EPHA3: variants seen among roughly 807,000 people sequenced by gnomAD.
EPHA3 encodes EPH receptor A3.
EPHA3 carries 42 observed loss-of-function variants against 107.1 expected under a neutral mutation model. That is an observed-to-expected ratio of 0.39 (90% CI 0.31 to 0.51). The LOEUF (loss-of-function observed/expected upper bound fraction) is 0.51. Among genes scored for constraint, EPHA3 ranks in the 20% least tolerant of loss-of-function variants. The pLI, the probability that EPHA3 is intolerant of heterozygous loss-of-function variation, is 0.78. For synonymous variants in EPHA3, 461 were observed against 424.8 expected, an observed-to-expected ratio of 1.09 and a Z score of -1.05; for missense variants, 1,183 against 1,211.2, an observed-to-expected ratio of 0.98 and a Z score of 0.35.
intron 3 of EPHA3, among the ~76,000 whole-genome samples, chr3:89,215,637 G>T (rs1704205671): frequency 6.6e-6 from 1 of 151,814 alleles, no homozygotes; most frequent in African/African-American, 2.4e-5. Flanking sequence ...TAAGTTAAAT[G>T]ATCAGCAATG....
chr3:89,132,585 C>A (rs1395623875), intron 2 of EPHA3, among the ~76,000 whole-genome samples: 1 of 152,114 alleles, frequency 6.6e-6, no homozygotes. Flanking sequence ...GCCAATTAAT[C>A]AAAAACTGAC....
chr3:89,306,846 A>T (rs1427220142), intron 3 of EPHA3, among the ~76,000 whole-genome samples: 2 of 152,196 alleles, frequency 1.3e-5, no homozygotes, highest in South Asian at 2.1e-4. Context: ...CCAACTATGA[A>T]GTTGGTCCTT....
At chr3:89,369,951 A>C (rs1268968712) in intron 5 of EPHA3, among the ~76,000 whole-genome samples, 1 of 150,798 alleles carries the variant, frequency 6.6e-6, no homozygotes, top group Admixed American at 6.6e-5. Context: ...TCAAAACCAC[A>C]ATCAGATACC....
intron 2 of EPHA3, among the ~76,000 whole-genome samples, chr3:89,178,520 G>A (rs1204028152): frequency 6.6e-6 from 1 of 151,842 alleles, no homozygotes; most frequent in African/African-American, 2.4e-5. Flanking sequence ...TTAGTCCTTG[G>A]GGAATAATAG....
intron 2 of EPHA3, among the ~76,000 whole-genome samples, chr3:89,175,662 T>G (rs189837198): frequency 6.6e-6 from 1 of 152,164 alleles, no homozygotes; most frequent in African/African-American, 2.4e-5. Flanking sequence ...TTATTAAATA[T>G]TAGTAACTAA....
At chr3:89,168,254 A>G (rs1399147015) in intron 2 of EPHA3, among the ~76,000 whole-genome samples, 1 of 152,278 alleles carries the variant, frequency 6.6e-6, no homozygotes, top group Admixed American at 6.5e-5. Flanking sequence ...GTACTAGTGC[A>G]TTGACAATGA....
At chr3:89,108,411 G>A (rs568228619) in intron 1 of EPHA3, among the ~76,000 whole-genome samples, 11 of 152,276 alleles carry the variant, frequency 7.2e-5, no homozygotes, top group African/African-American at 2.6e-4. Flanking sequence ...TATGGTACAG[G>A]TTCTAAAGAG....
intron 13 of EPHA3, among the ~76,000 whole-genome samples, chr3:89,448,108 G>C (rs1301349408): frequency 2.0e-5 from 3 of 152,094 alleles, no homozygotes; most frequent in Admixed American, 2.0e-4. Context: ...TCTCTAGTGA[G>C]AATCTTGGCT....
In EPHA3 at chr3:89,363,564, A is replaced by G. The variant is rs182022550; in HGVS notation, c.1306+21474A>G. ...AAAGTGTGCCGATTTAAATGTTAATATCATCTGAAAAACACCTTCACAGTG... is the reference window on the plus strand; with the variant it reads ...AAAGTGTGCCGATTTAAATGTTAATGTCATCTGAAAAACACCTTCACAGTG... On this transcript the variant is annotated intron_variant, in intron 5 of 16. Transcript: ENST00000336596. Among the ~76,000 whole-genome samples, 16 of 150,936 alleles carry G rather than the reference A, an allele frequency of 1.1e-4. 1 individual carries two copies. Among genetic ancestry groups the G allele is most frequent in the African/African-American group, 3.6e-4 (15 of 41,440 alleles).
At chr3:89,242,420 G>A (rs766539281) in intron 3 of EPHA3, among the ~76,000 whole-genome samples, 4 of 152,008 alleles carry the variant, frequency 2.6e-5, no homozygotes, top group Non-Finnish European at 5.9e-5. Context: ...TTTTGTTGTT[G>A]TTTTTGTTTT....
intron 13 of EPHA3, among the ~76,000 whole-genome samples, chr3:89,443,760 C>T (rs1317537462): frequency 9.2e-5 from 14 of 152,016 alleles, no homozygotes; most frequent in Admixed American, 9.2e-4. Context: ...GGTGGTTATT[C>T]CTCTGGACAT....
intron 3 of EPHA3, among the ~76,000 whole-genome samples, chr3:89,312,514 ATATATT>A (rs1033148236): frequency 6.6e-6 from 1 of 151,404 alleles, no homozygotes; most frequent in African/African-American, 2.4e-5. Context: ...TTTTAGCTTG[ATATATT>A]TATAAGTATT....
At chr3:89,320,459 G>C (rs757870639) in intron 3 of EPHA3, among the ~76,000 whole-genome samples, 3 of 151,942 alleles carry the variant, frequency 2.0e-5, no homozygotes, top group Non-Finnish European at 4.4e-5. Context: ...TATTATCTTC[G>C]CTTTAGGGGA....
chr3:89,293,136 A>T (rs1706256436), intron 3 of EPHA3, among the ~76,000 whole-genome samples: 1 of 152,164 alleles, frequency 6.6e-6, no homozygotes, highest in African/African-American at 2.4e-5. Flanking sequence ...TTCCATATGC[A>T]TATTTTCTTT....
intron 5 of EPHA3, among the ~76,000 whole-genome samples, chr3:89,349,653 G>A (rs1328693117): frequency 7.2e-4 from 99 of 137,232 alleles, no homozygotes; most frequent in African/African-American, 2.6e-3. Context: ...ATTTGATCCT[G>A]TCATTATGAT....
At chr3:89,459,154 C>A (rs1471088627) in intron 15 of EPHA3, among the ~76,000 whole-genome samples, 1 of 152,058 alleles carries the variant, frequency 6.6e-6, no homozygotes, top group Non-Finnish European at 1.5e-5. Flanking sequence ...ATGTAACAAA[C>A]CTGCAGGTTC....
intron 3 of EPHA3, among the ~76,000 whole-genome samples, chr3:89,210,734 G>A (rs1247853402): frequency 3.3e-5 from 5 of 152,054 alleles, no homozygotes; most frequent in Non-Finnish European, 5.9e-5. Context: ...ATACAGTGCT[G>A]GCCTGCACCC....
chr3:89,157,830 A>C (rs1704840102), intron 2 of EPHA3, among the ~76,000 whole-genome samples: 1 of 151,846 alleles, frequency 6.6e-6, no homozygotes, highest in East Asian at 1.9e-4. Flanking sequence ...TAATATATAC[A>C]GTGTAGGTAG....
chr3:89,448,952 T>C (rs1435130729), intron 13 of EPHA3, among the ~76,000 whole-genome samples: 1 of 152,032 alleles, frequency 6.6e-6, no homozygotes, highest in Non-Finnish European at 1.5e-5. Context: ...TAACCTGCCA[T>C]AGTTGATATA....
Sources: allele counts gnomAD v4.1 joint callset (sites outside exome capture counted in the v4.1 genomes callset), GRCh38; gene constraint gnomAD v4.1.1; transcripts MANE v1.5; gene names NCBI Gene and HGNC (gene_info 2026-07-23, HGNC 2026-07-21).